Variants in STAT5B observed in about 807,000 individuals in gnomAD.
The protein encoded by STAT5B is transcription factor STAT5B.
In STAT5B, 21 loss-of-function variants were observed where a neutral mutation model predicts 107.8. The ratio of observed to expected loss-of-function variants is 0.19; its 90% CI spans 0.14 to 0.28. The LOEUF (loss-of-function observed/expected upper bound fraction) is 0.28, where lower values mean the gene tolerates loss of function less well. Ranked by LOEUF, STAT5B falls within the 10% of genes least tolerant of loss-of-function variation. STAT5B has a pLI of 1.00. For synonymous variants in STAT5B, 325 were observed against 401.7 expected, an observed-to-expected ratio of 0.81 and a Z score of 2.28; for missense variants, 565 against 1,008.2, an observed-to-expected ratio of 0.56 and a Z score of 5.95.
At chr17:42,237,201 T>C (rs932990611) in intron 1 of STAT5B, among the ~76,000 whole-genome samples, 1 of 152,192 alleles carries the variant, frequency 6.6e-6, no homozygotes, top group Non-Finnish European at 1.5e-5. Flanking sequence ...GATATACCCA[T>C]GGGCTTGGAG....
At chr17:42,201,885 G>A in intron 18 of STAT5B, 21 bp from the exon 19 acceptor site, 1 of 1,612,736 alleles carries the variant, frequency 6.2e-7, no homozygotes, top group Non-Finnish European at 8.5e-7. Context: ...AAAGAAGAGG[G>A]ATGAAGGGAA....
intron 1 of STAT5B, among the ~76,000 whole-genome samples, chr17:42,255,228 A>G (rs1018978169): frequency 1.3e-5 from 2 of 152,214 alleles, no homozygotes; most frequent in Non-Finnish European, 2.9e-5. Context: ...TTTCCAGTTC[A>G]TAATCAGGCT....
rs754523154 is a variant in STAT5B, at chr17:42,218,831, C to G, written c.881G>C (p.Arg294Pro). The G allele has an allele frequency of 6.2e-7, 1 of 1,613,370 alleles. No individual in the cohort carries two copies. The highest frequency in any genetic ancestry group is 1.3e-5 in the African/African-American group (1 of 74,892). Residue 294 changes from arginine to proline, a missense_variant, in exon 8 of 19, where the codon CGC becomes CCC. Arg to Pro is a moderately radical substitution (Grantham distance 103). Around this residue, in one of 11 missense-constraint regions of STAT5B, gnomAD observed 48 missense variants for 106.5 expected, o/e 0.45. Transcript: ENST00000293328. ...EIIWQNRQQI[R>P]RAEHLCQQLP... ...CTGCTGGCAGAGGTGCTCAGCCCTGCGGATCTGCTGCCGGTTCTGCCAGAT... is the reference window on the plus strand; with the variant it reads ...CTGCTGGCAGAGGTGCTCAGCCCTGGGGATCTGCTGCCGGTTCTGCCAGAT...
chr17:42,215,957 G>C (rs2080168227), intron 12 of STAT5B, 57 bp downstream of exon 12: 4 of 1,555,032 alleles, frequency 2.6e-6, no homozygotes, highest in Non-Finnish European at 3.5e-6. Flanking sequence ...ATACATAAAT[G>C]AGATTCATGA....
At chr17:42,223,349 C>T (rs781687558) in intron 5 of STAT5B, 33 bp downstream of exon 5, 1 of 1,614,036 alleles carries the variant, frequency 6.2e-7, no homozygotes, top group South Asian at 1.1e-5. Flanking sequence ...GCCCAATCCT[C>T]AAGTTGCACA....
chr17:42,277,762 T>C (rs1047383581), upstream of STAT5B, among the ~76,000 whole-genome samples: 16 of 147,248 alleles, frequency 1.1e-4, no homozygotes, highest in Admixed American at 7.3e-4. Flanking sequence ...TCTTTTCTTT[T>C]TTTTTTTTTT....
chr17:42,209,291 GA>G (rs2080110451), intron 15 of STAT5B, among the ~76,000 whole-genome samples: 1 of 146,020 alleles, frequency 6.8e-6, no homozygotes, highest in Non-Finnish European at 1.5e-5. Context: ...CTGGCCTCAA[GA>G]GATCCTCCTG....
At chr17:42,242,512 A>C (rs2080412658) in intron 1 of STAT5B, among the ~76,000 whole-genome samples, 1 of 152,202 alleles carries the variant, frequency 6.6e-6, no homozygotes, top group South Asian at 2.1e-4. Flanking sequence ...GTGCCTCCAG[A>C]TATGATTTGC....
chr17:42,266,698 CCT>C (rs1168464602), intron 1 of STAT5B, among the ~76,000 whole-genome samples: 2 of 151,828 alleles, frequency 1.3e-5, no homozygotes, highest in African/African-American at 2.4e-5. Flanking sequence ...TAGCAAGACC[CCT>C]GTCTCTATTT....
chr17:42,215,538 G>A (rs2080163849), intron 12 of STAT5B, among the ~76,000 whole-genome samples: 1 of 152,122 alleles, frequency 6.6e-6, no homozygotes, highest in Non-Finnish European at 1.5e-5. Context: ...ACCCTGGCCC[G>A]ATGTCAAGCC....
intron 1 of STAT5B, among the ~76,000 whole-genome samples, chr17:42,232,341 C>A (rs8082079): frequency 0.076 from 11,526 of 152,078 alleles, 1,411 homozygotes; most frequent in African/African-American, 0.26. Flanking sequence ...CTCCGCCTCC[C>A]CGGTTCAAAT....
chr17:42,283,232 G>A, the STAT5B span, among the ~76,000 whole-genome samples: 1 of 152,014 alleles, frequency 6.6e-6, no homozygotes, highest in South Asian at 2.1e-4. Flanking sequence ...GGATGAGGAT[G>A]AGAAGCCAGG....
intron 11 of STAT5B, 57 bp downstream of exon 11, chr17:42,217,103 A>G: frequency 6.4e-7 from 1 of 1,573,466 alleles, no homozygotes; most frequent in Non-Finnish European, 8.6e-7. Flanking sequence ...TTTGTAACAT[A>G]AAGTACACCA....
chr17:42,255,033 G>A (rs2144371084), intron 1 of STAT5B, among the ~76,000 whole-genome samples: 1 of 152,280 alleles, frequency 6.6e-6, no homozygotes, highest in South Asian at 2.1e-4. Flanking sequence ...AGAGGTTGCA[G>A]GGAGCCGAGA....
intron 12 of STAT5B, among the ~76,000 whole-genome samples, chr17:42,213,956 A>G (rs1233307503): frequency 1.3e-5 from 2 of 151,436 alleles, no homozygotes; most frequent in African/African-American, 4.8e-5. Flanking sequence ...AGCCTGGCCA[A>G]CATGGTGAGA....
At chr17:42,267,277 CCTT>C (rs35259042) in intron 1 of STAT5B, among the ~76,000 whole-genome samples, 2,262 of 152,154 alleles carry the variant, frequency 0.015, 21 homozygotes, top group East Asian at 0.059. Flanking sequence ...AGAGTGTACT[CCTT>C]CTACTTAAAA....
chr17:42,211,257 C>T (rs1159108296), intron 13 of STAT5B, among the ~76,000 whole-genome samples: 2 of 151,962 alleles, frequency 1.3e-5, no homozygotes, highest in Non-Finnish European at 2.9e-5. Flanking sequence ...CCTGTAATCC[C>T]AGCACTTTGG....
chr17:42,213,191 A>G (rs956881322), intron 12 of STAT5B, among the ~76,000 whole-genome samples: 3 of 152,172 alleles, frequency 2.0e-5, no homozygotes, highest in Admixed American at 2.0e-4. Context: ...GCAAATATAT[A>G]TGGAGAATAA....
At chr17:42,251,991 T>C (rs1598329809) in intron 1 of STAT5B, among the ~76,000 whole-genome samples, 2 of 139,552 alleles carry the variant, frequency 1.4e-5, no homozygotes, top group African/African-American at 5.6e-5. Flanking sequence ...AGAGCAAGGC[T>C]CCGTCTCAAA....
Sources: allele counts gnomAD v4.1 joint callset (sites outside exome capture counted in the v4.1 genomes callset), GRCh38; gene constraint gnomAD v4.1.1; regional missense constraint gnomAD v4.1.1; transcripts MANE v1.5; gene names NCBI Gene and HGNC (gene_info 2026-07-23, HGNC 2026-07-21).